The following PON3 variants were observed in gnomAD, a reference collection of about 807,000 sequenced individuals.
The protein encoded by PON3 is serum paraoxonase/lactonase 3.
A neutral mutation model predicts 36.3 loss-of-function variants in PON3; 37 were observed. That is an observed-to-expected ratio of 1.02 (90% CI 0.78 to 1.34). The LOEUF is 1.34. Among genes scored for constraint, PON3 ranks in the 40% most tolerant of loss-of-function variants. The pLI is 0.00. For missense variants in PON3, 415 were observed against 426.5 expected (o/e 0.97, Z 0.24); for synonymous variants, 155 against 154.8 (o/e 1.00, Z -0.01).
intron 3 of PON3, among the ~76,000 whole-genome samples, chr7:95,377,899 A>G (rs1240936243): frequency 6.6e-6 from 1 of 152,240 alleles, no homozygotes; most frequent in Non-Finnish European, 1.5e-5. Context: ...AACTGGATGA[A>G]GAATGAGTTT....
chr7:95,390,056 G>C, intron 3 of PON3, 98 bp downstream of exon 3: 1 of 1,257,082 alleles, frequency 8.0e-7, no homozygotes. Flanking sequence ...GGTGGGATGA[G>C]AGCATAGGGA....
At chr7:95,396,096 G>A (rs1051628064) in intron 1 of PON3, 181 bp downstream of exon 1, 8 of 694,666 alleles carry the variant, frequency 1.2e-5, no homozygotes, top group African/African-American at 1.1e-4. Context: ...CTTTGGAAAC[G>A]CAAGTAGCTC....
chr7:95,376,503 T>A (rs996593383), intron 3 of PON3, among the ~76,000 whole-genome samples: 1 of 152,206 alleles, frequency 6.6e-6, no homozygotes, highest in African/African-American at 2.4e-5. Context: ...AGAATCCTTA[T>A]CCTATAAGTT....
intron 3 of PON3, among the ~76,000 whole-genome samples, chr7:95,383,849 A>C (rs1042177806): frequency 2.6e-5 from 4 of 152,220 alleles, no homozygotes; most frequent in African/African-American, 9.7e-5. Flanking sequence ...ATTGGAAAAA[A>C]CTACTTTAAA....
chr7:95,384,110 T>C (rs1233963352), intron 3 of PON3, among the ~76,000 whole-genome samples: 1 of 152,154 alleles, frequency 6.6e-6, no homozygotes, highest in African/African-American at 2.4e-5. Context: ...GGGAAAGGAT[T>C]CCCTATTTAA....
In PON3 at chr7:95,390,043, G is replaced by A. The variant is rs6977389; in HGVS notation, c.201+111C>T. On this transcript the variant is annotated intron_variant, in intron 3 of 8. Coordinates refer to ENST00000265627, the MANE Select transcript of PON3 (RefSeq NM_000940.3). ...GCTTTTTTAGTTGACTGGTTTACCC[G>A]GAGGTGGGATGAGAGCATAGGGATC... 577,332 of 1,134,190 alleles carry A rather than the reference G, an allele frequency of 0.51. 152,374 individuals carry two copies. The highest frequency in any genetic ancestry group is 0.78 in the East Asian group (33,277 of 42,572). The allele number at this position is 1,134,190 out of a possible 1,614,324, so 70.3% of individuals were successfully genotyped here.
chr7:95,360,565 C>G (rs1458661259), intron 8 of PON3, among the ~76,000 whole-genome samples: 1 of 152,140 alleles, frequency 6.6e-6, no homozygotes, highest in Non-Finnish European at 1.5e-5. Flanking sequence ...GTCATCACAG[C>G]TGGAGCCCCT....
At chr7:95,392,389 G>T (rs893203057) in intron 2 of PON3, among the ~76,000 whole-genome samples, 3 of 152,110 alleles carry the variant, frequency 2.0e-5, no homozygotes, top group Non-Finnish European at 4.4e-5. Context: ...CTCAAATCTA[G>T]TTGAGTGATA....
At chr7:95,382,617 T>G (rs1173884706) in intron 3 of PON3, among the ~76,000 whole-genome samples, 4 of 152,146 alleles carry the variant, frequency 2.6e-5, no homozygotes, top group African/African-American at 9.7e-5. Flanking sequence ...AATGGATAAA[T>G]TCCTCAACAC....
intron 4 of PON3, among the ~76,000 whole-genome samples, chr7:95,368,284 C>G (rs1808740134): frequency 6.6e-6 from 1 of 152,168 alleles, no homozygotes; most frequent in Non-Finnish European, 1.5e-5. Flanking sequence ...CTATTCCTTT[C>G]CCAAATGTAG....
At chr7:95,396,164 G>T (rs1212328630) in intron 1 of PON3, 113 bp downstream of exon 1, 4 of 1,145,654 alleles carry the variant, frequency 3.5e-6, no homozygotes, top group East Asian at 2.3e-5. Flanking sequence ...GAGGAGTGAG[G>T]TTCCAAAGCT....
Position 95,367,481 on chromosome 7 carries a change from A to G in PON3, c.375T>C (p.Thr125=). The G allele has an allele frequency of 6.2e-7, 1 of 1,613,026 alleles. No homozygotes were observed. The highest frequency in any genetic ancestry group is 8.5e-7 in the Non-Finnish European group (1 of 1,179,328). ...GISIFIDKDN[T]VYLYVVNHPH... ...GATGATTCACAACATAAAGATACACAGTATTGTCTACATGGAAAAAAGGGA... is the reference window on the plus strand; with the variant it reads ...GATGATTCACAACATAAAGATACACGGTATTGTCTACATGGAAAAAAGGGA... Residue 125 remains threonine (T), a synonymous_variant, in exon 5 of 9, where the codon ACT becomes ACC. Transcript: ENST00000265627.
intron 3 of PON3, among the ~76,000 whole-genome samples, chr7:95,382,537 C>G (rs1331601633): frequency 1.3e-5 from 2 of 152,178 alleles, no homozygotes; most frequent in Non-Finnish European, 2.9e-5. Context: ...ACTGATCCCA[C>G]AGAAATACAA....
At chr7:95,386,898 C>A (rs1415981575) in intron 3 of PON3, among the ~76,000 whole-genome samples, 1 of 152,132 alleles carries the variant, frequency 6.6e-6, no homozygotes, top group Non-Finnish European at 1.5e-5. Context: ...ATGATTATCT[C>A]AATAGATGCA....
intron 3 of PON3, among the ~76,000 whole-genome samples, chr7:95,382,788 G>C (rs1207306117): frequency 1.3e-5 from 2 of 152,162 alleles, no homozygotes; most frequent in Non-Finnish European, 2.9e-5. Context: ...GGAGGAGCTG[G>C]TACCATTCTT....
At chr7:95,395,824 G>A (rs1400570266) in intron 1 of PON3, 3 of 211,390 alleles carry the variant, frequency 1.4e-5, no homozygotes, top group African/African-American at 6.9e-5. Flanking sequence ...TCTAGGATAG[G>A]TTCCATAACC....
chr7:95,362,893 C>G (rs1808605758), intron 6 of PON3, 52 bp from the exon 7 acceptor site: 2 of 1,325,664 alleles, frequency 1.5e-6, no homozygotes, highest in Non-Finnish European at 2.2e-6. Context: ...AGAGACAACA[C>G]TCACTTTTAT....
chr7:95,382,579 A>G (rs551478653), intron 3 of PON3, among the ~76,000 whole-genome samples: 2 of 152,352 alleles, frequency 1.3e-5, no homozygotes, highest in South Asian at 2.1e-4. Context: ...AAACACATCT[A>G]TGCAAATAAA....
intron 5 of PON3, chr7:95,365,112 G>C (rs1037317425): frequency 1.3e-5 from 2 of 152,102 alleles, no homozygotes; most frequent in Admixed American, 1.3e-4. Flanking sequence ...AGGTTAAACT[G>C]CCTCACAATT....
Sources: allele counts gnomAD v4.1 joint callset (sites outside exome capture counted in the v4.1 genomes callset), GRCh38; gene constraint gnomAD v4.1.1; transcripts MANE v1.5; gene names NCBI Gene and HGNC (gene_info 2026-07-23, HGNC 2026-07-21).